Variants in RFTN2 observed in about 807,000 individuals in gnomAD.
RFTN2 encodes raftlin-2.
A neutral mutation model predicts 52.7 loss-of-function variants in RFTN2; 34 were observed. The ratio of observed to expected loss-of-function variants is 0.64; its 90% CI spans 0.49 to 0.86. RFTN2 has a LOEUF of 0.86. Ranked by LOEUF, RFTN2 falls within the 40% of genes least tolerant of loss-of-function variation. The pLI is 0.00. For synonymous variants in RFTN2, 203 were observed against 217.7 expected, an observed-to-expected ratio of 0.93 and a Z score of 0.59; for missense variants, 536 against 600.1, an observed-to-expected ratio of 0.89 and a Z score of 1.12.
intron 5 of RFTN2, among the ~76,000 whole-genome samples, chr2:197,629,266 T>C (rs1245491090): frequency 6.6e-6 from 1 of 152,092 alleles, no homozygotes; most frequent in African/African-American, 2.4e-5. Context: ...TATGCAGCCA[T>C]AAAAAAGGAT....
chr2:197,590,845 G>C (rs908714359), intron 8 of RFTN2, among the ~76,000 whole-genome samples: 1 of 152,212 alleles, frequency 6.6e-6, no homozygotes, highest in South Asian at 2.1e-4. Context: ...TTCGCAGTAA[G>C]TGCTACAGCT....
At chr2:197,630,089 G>C (rs1468301850) in intron 5 of RFTN2, among the ~76,000 whole-genome samples, 1 of 152,176 alleles carries the variant, frequency 6.6e-6, no homozygotes, top group Non-Finnish European at 1.5e-5. Flanking sequence ...GCAAGGTATT[G>C]TATTTCTGGG....
chr2:197,644,083 T>C, intron 3 of RFTN2, 75 bp downstream of exon 3: 3 of 883,958 alleles, frequency 3.4e-6, no homozygotes, highest in Non-Finnish European at 5.8e-6. Context: ...CTTTTTAGGG[T>C]AAAAAAGGGA....
At chr2:197,629,882 C>A (rs2088436766) in intron 5 of RFTN2, among the ~76,000 whole-genome samples, 1 of 152,064 alleles carries the variant, frequency 6.6e-6, no homozygotes, top group East Asian at 1.9e-4. Flanking sequence ...TGCCACCATG[C>A]CTGACTAACG....
chr2:197,572,330 C>G, intron 8 of RFTN2, 50 bp from the exon 9 acceptor site: 1 of 1,580,254 alleles, frequency 6.3e-7, no homozygotes. Flanking sequence ...ATGGGTGTTT[C>G]CTGTCCCTCT....
At chr2:197,621,424 T>A (rs1342554915) in intron 5 of RFTN2, among the ~76,000 whole-genome samples, 1 of 125,984 alleles carries the variant, frequency 7.9e-6, no homozygotes, top group Non-Finnish European at 1.7e-5. Flanking sequence ...TTTTTCAAAT[T>A]GAAGGTTTGT....
chr2:197,603,101 A>G (rs938503669), intron 7 of RFTN2, among the ~76,000 whole-genome samples: 1 of 152,236 alleles, frequency 6.6e-6, no homozygotes, highest in African/African-American at 2.4e-5. Context: ...GAGAGATAGC[A>G]TTAGGAGATA....
chr2:197,624,075 A>T (rs1177310028), intron 5 of RFTN2, among the ~76,000 whole-genome samples: 1 of 152,180 alleles, frequency 6.6e-6, no homozygotes, highest in African/African-American at 2.4e-5. Context: ...CTGGGATTAC[A>T]GGTGTGAGCT....
intron 3 of RFTN2, among the ~76,000 whole-genome samples, chr2:197,634,990 C>T (rs976172641): frequency 2.8e-5 from 3 of 107,460 alleles, no homozygotes; most frequent in African/African-American, 3.6e-5. Context: ...TGCGGTGTTT[C>T]GTTTTTTGTT....
intron 5 of RFTN2, among the ~76,000 whole-genome samples, chr2:197,625,588 C>T (rs2088340671): frequency 6.6e-6 from 1 of 151,928 alleles, no homozygotes; most frequent in Admixed American, 6.6e-5. Context: ...GCAACAGCCT[C>T]TTAACAGCCT....
intron 7 of RFTN2, among the ~76,000 whole-genome samples, chr2:197,603,733 G>A (rs1250698566): frequency 6.6e-6 from 1 of 152,086 alleles, no homozygotes; most frequent in African/African-American, 2.4e-5. Context: ...TGGCTAACAT[G>A]GTGAAACTCC....
At chr2:197,592,637 T>G (rs1021302785) in intron 8 of RFTN2, among the ~76,000 whole-genome samples, 1 of 152,206 alleles carries the variant, frequency 6.6e-6, no homozygotes, top group African/African-American at 2.4e-5. Flanking sequence ...AAACTAAACA[T>G]CTTTGAAAAA....
Position 197,639,298 on chromosome 2 carries a change from T to C in RFTN2, c.438+4860A>G, listed in dbSNP as rs1385311926. ...CTGAACGTTGGCCTGCCTTGCTAGATTGGGGAAGTTCTCCTGGATAATATC... is the reference window on the plus strand; with the variant it reads ...CTGAACGTTGGCCTGCCTTGCTAGACTGGGGAAGTTCTCCTGGATAATATC... On this transcript the variant is annotated intron_variant, in intron 3 of 8. Coordinates refer to ENST00000295049, the MANE Select transcript of RFTN2 (RefSeq NM_144629.3). Among the ~76,000 whole-genome samples, 12 of 145,196 alleles carry C rather than the reference T, an allele frequency of 8.3e-5. No homozygotes were observed. In the East Asian group the frequency reaches 2.5e-3, roughly 30 times the overall value.
intron 7 of RFTN2, among the ~76,000 whole-genome samples, chr2:197,613,005 T>C (rs1206963910): frequency 6.6e-6 from 1 of 152,250 alleles, no homozygotes; most frequent in Non-Finnish European, 1.5e-5. Context: ...AAGAAGATGA[T>C]GATAGACATT....
intron 7 of RFTN2, among the ~76,000 whole-genome samples, chr2:197,611,668 T>C (rs2106206068): frequency 6.6e-6 from 1 of 152,342 alleles, no homozygotes; most frequent in South Asian, 2.1e-4. Context: ...TGAATGTGTT[T>C]GCTCTTGCTT....
At chr2:197,583,588 C>G (rs1166942984) in intron 8 of RFTN2, among the ~76,000 whole-genome samples, 1 of 151,690 alleles carries the variant, frequency 6.6e-6, no homozygotes, top group Non-Finnish European at 1.5e-5. Context: ...CTTCACCAAG[C>G]TCAGCCTCCA....
At chr2:197,624,415 C>T (rs866009788) in intron 5 of RFTN2, among the ~76,000 whole-genome samples, 2 of 150,934 alleles carry the variant, frequency 1.3e-5, no homozygotes, top group African/African-American at 2.4e-5. Flanking sequence ...CTGGCTAACA[C>T]GGTGAAACCC....
intron 6 of RFTN2, 107 bp downstream of exon 6, chr2:197,617,693 A>T (rs2088167693): frequency 7.2e-6 from 3 of 415,546 alleles, no homozygotes; most frequent in Non-Finnish European, 1.0e-5. Context: ...AAAAACAAAA[A>T]CAAAAACAAA....
At chr2:197,639,131 C>A (rs1294436588) in intron 3 of RFTN2, among the ~76,000 whole-genome samples, 9 of 144,634 alleles carry the variant, frequency 6.2e-5, no homozygotes, top group Admixed American at 5.6e-4. Flanking sequence ...ATGGGCTTCC[C>A]TTTGAGGGTA....
Sources: gnomAD v4.1 joint callset for allele counts (sites outside exome capture counted in the v4.1 genomes callset) on GRCh38, gnomAD v4.1.1 for gene constraint, MANE v1.5 for transcripts, NCBI Gene and HGNC (gene_info 2026-07-23, HGNC 2026-07-21) for gene names.